Variants in CYGB observed in about 807,000 individuals in gnomAD.
CYGB encodes the protein cytoglobin, also known as histoglobin.
A neutral mutation model predicts 20.7 loss-of-function variants in CYGB; 13 were observed. The ratio of observed to expected loss-of-function variants is 0.63; its 90% confidence interval spans 0.41 to 1.00. The LOEUF (loss-of-function observed/expected upper bound fraction) is 1.00, where lower values mean the gene tolerates loss of function less well. CYGB is among the 50% of genes least tolerant of loss of function. The pLI, the probability that CYGB is intolerant of heterozygous loss-of-function variation, is 0.00. For missense variants in CYGB, 218 were observed against 257.2 expected, an observed-to-expected ratio of 0.85 and a Z score of 1.04; for synonymous variants, 93 against 107.4, an observed-to-expected ratio of 0.87 and a Z score of 0.83.
In CYGB at chr17:76,531,270, C is replaced by T. The variant is rs1231147515; in HGVS notation, c.376-128G>A. The T allele has an allele frequency of 6.5e-6, 8 of 1,237,246 alleles. No individual in the cohort carries two copies. Among genetic ancestry groups the T allele is most frequent in the South Asian group, 1.5e-5 (1 of 68,490 alleles). The allele number at this position is 1,237,246 out of a possible 1,614,324, so 76.6% of individuals were successfully genotyped here. On this transcript the variant is annotated intron_variant, in intron 2 of 3. Coordinates refer to ENST00000293230, the MANE Select transcript of CYGB (RefSeq NM_134268.5). The surrounding 1 kb of genome is among the most constrained non-coding windows in gnomAD (Gnocchi z 7.4). ...CGCAACAGTCTGGCAGCTTTGGGAA[C>T]CCCGTGCTCTCAGGACAAGGGTTGC...
chr17:76,547,873 TCA>T (rs1344382183), intron 1 of CYGB, among the ~76,000 whole-genome samples: 2 of 142,944 alleles, frequency 1.4e-5, no homozygotes, highest in Non-Finnish European at 3.1e-5. Context: ...ATATACATAT[TCA>T]CACACATACA....
chr17:76,536,877 A>G (rs2143118246), intron 1 of CYGB, among the ~76,000 whole-genome samples: 2 of 152,288 alleles, frequency 1.3e-5, no homozygotes, highest in East Asian at 3.9e-4. Context: ...GCAGCTGGGA[A>G]CACTGGACCC....
In CYGB at chr17:76,530,901, A is replaced by C; in HGVS notation, c.539+78T>G. 2 of 1,454,020 alleles carry C rather than the reference A, an allele frequency of 1.4e-6. No individual in the cohort carries two copies. The highest frequency in any genetic ancestry group is 1.8e-6 in the Non-Finnish European group (2 of 1,088,046). 90.1% of individuals were successfully genotyped at this position (1,454,020 alleles called of 1,614,324 possible). A position where few individuals can be genotyped will look rare whatever the true frequency, so the allele number is the denominator to read the frequency against. On this transcript the variant is annotated intron_variant, in intron 3 of 3. Coordinates refer to ENST00000293230, the MANE Select transcript of CYGB (RefSeq NM_134268.5). This position sits in a 1 kb window ranked among gnomAD's most constrained non-coding sequence, Gnocchi z 6.1. ...CCCAGGTGATCAGCCCCAGGGCCTCAGGAGATATGGGAGACCTCGGGGACA... is the reference window on the plus strand; with the variant it reads ...CCCAGGTGATCAGCCCCAGGGCCTCCGGAGATATGGGAGACCTCGGGGACA...
At chr17:76,544,674 C>T (rs1262032340) in intron 1 of CYGB, 2 of 456,798 alleles carry the variant, frequency 4.4e-6, no homozygotes, top group Admixed American at 4.7e-5. Context: ...TTCCTGGTGA[C>T]AGGCCTGTCA....
chr17:76,537,325 G>A (rs1475465388), intron 1 of CYGB, 75 bp downstream of exon 1: 5 of 1,431,518 alleles, frequency 3.5e-6, no homozygotes, highest in African/African-American at 1.5e-5. Flanking sequence ...GCTCGGACCC[G>A]GGCCCAGCCC....
upstream of CYGB, chr17:76,540,163 C>T (rs1266869171): frequency 1.2e-6 from 2 of 1,607,230 alleles, no homozygotes; most frequent in South Asian, 1.1e-5. The surrounding 1 kb of genome is among the most constrained non-coding windows in gnomAD (Gnocchi z 5.0). Flanking sequence ...CCTTTTCCTG[C>T]TCAGCACCCT....
rs1276904649 is a variant in CYGB at position 76,533,859 on chromosome 17, G to A, written c.144-2168C>T. ...AGCCTGGGCAACATAGTGAGATCCT[G>A]TCTCCAGAAAAAAAGAAAAAAATTG... On this transcript the variant is annotated intron_variant, in intron 1 of 3. Transcript: ENST00000293230. This position sits in a 1 kb window ranked among gnomAD's most constrained non-coding sequence, Gnocchi z 4.5. Among the ~76,000 whole-genome samples the A allele has an allele frequency of 6.6e-6, 1 of 152,104 alleles. No individual in the cohort carries two copies. Among genetic ancestry groups the A allele is most frequent in the Admixed American group, 6.6e-5 (1 of 15,262 alleles).
chr17:76,544,048 C>T lies in CYGB; in HGVS notation c.-53+6814G>A, dbSNP rs1185008878. ...AGTCCCGGCGGCTGCCTCCTTTGCC[C>T]CCAGCTGCTCTGCCATTTCTCTCTT... On this transcript the variant is annotated intron_variant, in intron 1 of 3. Transcript: ENST00000589145. The T allele has an allele frequency of 2.2e-5, 10 of 454,714 alleles. No individual in the cohort carries two copies. The East Asian group carries it at 6.9e-4, about 32-fold the overall frequency. The allele number at this position is 454,714 out of a possible 1,614,324, so 28.2% of individuals were successfully genotyped here.
intron 1 of CYGB, chr17:76,547,463 T>C (rs1236389222): frequency 2.6e-5 from 4 of 152,248 alleles, no homozygotes; most frequent in African/African-American, 7.2e-5. Flanking sequence ...CCGCTGACAG[T>C]GGGAAGCCAG....
upstream of CYGB, chr17:76,540,522 A>T (rs2074978498): frequency 6.2e-7 from 1 of 1,613,330 alleles, no homozygotes; most frequent in African/African-American, 1.3e-5. The surrounding 1 kb of genome is among the most constrained non-coding windows in gnomAD (Gnocchi z 5.0). Context: ...AGCGACGTGG[A>T]TGGGGCAGCT....
chr17:76,543,317 G>A (rs1434305720), intron 1 of CYGB: 3 of 346,082 alleles, frequency 8.7e-6, no homozygotes, highest in Non-Finnish European at 1.7e-5. Context: ...CTAGGATGAG[G>A]GACTTGCTGG....
In CYGB at chr17:76,528,089, C is replaced by T. The variant is rs2074788381; in HGVS notation, c.*489G>A. The T allele has an allele frequency of 2.7e-6, 1 of 375,000 alleles. No homozygotes were observed. The highest frequency in any genetic ancestry group is 4.9e-6 in the Non-Finnish European group (1 of 203,036). 23.2% of individuals were successfully genotyped at this position (375,000 alleles called of 1,614,324 possible). ...TGGGCCAAACCGAGGCTTCTGGGCG[C>T]CGCGGATACACATTCTAGATATGTA... On this transcript the variant is annotated 3_prime_UTR_variant, in exon 4 of 4. Transcript: ENST00000293230. This position sits in a 1 kb window ranked among gnomAD's most constrained non-coding sequence, Gnocchi z 5.8.
At position 76,530,459 on chromosome 17, in the gene CYGB, C is replaced by G. The variant is rs1040781242; in HGVS notation, c.539+520G>C. ...GTGCGTGTGAGCGACACCCATGTAGCTTCCTCGTGGGCTGGGGTGTGTGTG... is the reference window on the plus strand; with the variant it reads ...GTGCGTGTGAGCGACACCCATGTAGGTTCCTCGTGGGCTGGGGTGTGTGTG... On this transcript the variant is annotated intron_variant, in intron 3 of 3. Coordinates refer to ENST00000293230, the MANE Select transcript of CYGB (RefSeq NM_134268.5). This position sits in a 1 kb window ranked among gnomAD's most constrained non-coding sequence, Gnocchi z 6.1. Among the ~76,000 whole-genome samples the G allele has an allele frequency of 6.6e-6, 1 of 152,226 alleles. No homozygotes were observed. Among genetic ancestry groups the G allele is most frequent in the African/African-American group, 2.4e-5 (1 of 41,452 alleles).
intron 1 of CYGB, chr17:76,544,693 G>A (rs1428317713): frequency 2.2e-6 from 1 of 456,820 alleles, no homozygotes; most frequent in South Asian, 1.5e-5. Context: ...CAGGCTGAGG[G>A]CCAGAGGGCA....
Position 76,533,491 on chromosome 17 carries a change from G to A in CYGB, c.144-1800C>T, listed in dbSNP as rs962991344. On this transcript the variant is annotated intron_variant, in intron 1 of 3. Coordinates refer to ENST00000293230, the MANE Select transcript of CYGB (RefSeq NM_134268.5). The surrounding 1 kb of genome is among the most constrained non-coding windows in gnomAD (Gnocchi z 4.5). ...TATAATCCTAGCACTTTACGAGGCCGAGGCGGGTGGATTGCTTGAGCTCAG... is the reference window on the plus strand; with the variant it reads ...TATAATCCTAGCACTTTACGAGGCCAAGGCGGGTGGATTGCTTGAGCTCAG... Among the ~76,000 whole-genome samples the A allele has an allele frequency of 3.3e-5, 5 of 152,182 alleles. No homozygotes were observed. The highest frequency in any genetic ancestry group is 7.3e-5 in the Non-Finnish European group (5 of 68,034).
At chr17:76,529,123 AC>A in intron 3 of CYGB, 1 of 958,518 alleles carries the variant, frequency 1.0e-6, no homozygotes, top group Non-Finnish European at 1.2e-6. Context: ...CGCCTGGCCC[AC>A]CCCTGCTTCC....
In CYGB at chr17:76,533,390, A is replaced by G. The variant is rs1384665208; in HGVS notation, c.144-1699T>C. On this transcript the variant is annotated intron_variant, in intron 1 of 3. Transcript: ENST00000293230. This position sits in a 1 kb window ranked among gnomAD's most constrained non-coding sequence, Gnocchi z 4.5. ...TGTGAAAAACCCAATTTGGACTTAAACAAGCATCTCAGACTTTGGAGGTTT... is the reference window on the plus strand; with the variant it reads ...TGTGAAAAACCCAATTTGGACTTAAGCAAGCATCTCAGACTTTGGAGGTTT... Among the ~76,000 whole-genome samples, 1 of 152,226 alleles carries G rather than the reference A, an allele frequency of 6.6e-6. No individual in the cohort carries two copies. Among genetic ancestry groups the G allele is most frequent in the Non-Finnish European group, 1.5e-5 (1 of 68,028 alleles).
intron 1 of CYGB, chr17:76,543,205 T>C (rs2075013005): frequency 2.4e-6 from 1 of 414,646 alleles, no homozygotes; most frequent in South Asian, 1.8e-5. Context: ...AGGACCTGGC[T>C]GGGCCTGGCA....
At chr17:76,540,705 C>T (rs1329315867), upstream of CYGB, 3 of 869,832 alleles carry the variant, frequency 3.4e-6, no homozygotes, top group Non-Finnish European at 5.6e-6. This position sits in a 1 kb window ranked among gnomAD's most constrained non-coding sequence, Gnocchi z 5.0. Context: ...CCCTAAGCAC[C>T]CTGCTCCCTG....
Sources: allele counts gnomAD v4.1 joint callset (sites outside exome capture counted in the v4.1 genomes callset), GRCh38; gene constraint gnomAD v4.1.1; non-coding constraint Gnocchi (gnomAD v3.1); transcripts MANE v1.5; gene names NCBI Gene and HGNC (gene_info 2026-07-23, HGNC 2026-07-21).